Variants in CSMD3 observed in about 807,000 individuals in gnomAD.
CSMD3 encodes CUB and Sushi multiple domains 3.
Under a neutral mutation model 435.2 loss-of-function variants are expected in CSMD3, and 177 were observed. The observed-to-expected ratio is 0.41, with a 90% confidence interval of 0.36 to 0.46. The LOEUF (loss-of-function observed/expected upper bound fraction) is 0.46, where lower values mean the gene tolerates loss of function less well. Among genes scored for constraint, CSMD3 ranks in the 20% least tolerant of loss-of-function variants. The pLI, the probability that CSMD3 is intolerant of heterozygous loss-of-function variation, is 0.34. For missense variants in CSMD3, 4,265 were observed against 4,504.6 expected, an observed-to-expected ratio of 0.95 and a Z score of 1.52; for synonymous variants, 1,656 against 1,520.5, an observed-to-expected ratio of 1.09 and a Z score of -2.07.
chr8:113,144,136 C>G (rs1045572233), intron 4 of CSMD3, among the ~76,000 whole-genome samples: 4 of 149,854 alleles, frequency 2.7e-5, no homozygotes, highest in African/African-American at 9.8e-5. Flanking sequence ...ATTTATAAAC[C>G]TGCCAATATT....
chr8:112,506,654 AT>A (rs761897268), intron 29 of CSMD3, 36 bp downstream of exon 29: 17 of 1,605,454 alleles, frequency 1.1e-5, no homozygotes, highest in Non-Finnish European at 1.3e-5. Context: ...CTAACAATAT[AT>A]TTTTTTAACG....
chr8:112,767,516 A>G (rs1199727851), intron 13 of CSMD3, among the ~76,000 whole-genome samples: 2 of 151,738 alleles, frequency 1.3e-5, no homozygotes, highest in Non-Finnish European at 2.9e-5. Context: ...TAACCTCTCT[A>G]TGCCTCAGTT....
intron 10 of CSMD3, among the ~76,000 whole-genome samples, chr8:112,863,413 A>T (rs1336718126): frequency 6.6e-6 from 1 of 151,874 alleles, no homozygotes; most frequent in Non-Finnish European, 1.5e-5. Context: ...CATGAACTGA[A>T]AATACCATTT....
At chr8:112,907,729 A>G (rs766369179) in intron 10 of CSMD3, among the ~76,000 whole-genome samples, 1 of 151,446 alleles carries the variant, frequency 6.6e-6, no homozygotes, top group Non-Finnish European at 1.5e-5. Context: ...AGTTATAAAA[A>G]AAGTTCAGAG....
chr8:112,998,631 C>A (rs775655556), intron 6 of CSMD3, among the ~76,000 whole-genome samples: 2 of 151,954 alleles, frequency 1.3e-5, no homozygotes, highest in Non-Finnish European at 2.9e-5. Flanking sequence ...TCCTAAATTT[C>A]ATCACTGCAA....
intron 37 of CSMD3, 60 bp from the exon 38 acceptor site, chr8:112,380,516 A>G: frequency 1.1e-6 from 1 of 893,048 alleles, no homozygotes; most frequent in Admixed American, 1.7e-5. Context: ...TAATAAAATT[A>G]AGTAAGTTTA....
At chr8:113,027,646 A>G (rs1376098185) in intron 5 of CSMD3, among the ~76,000 whole-genome samples, 1 of 152,134 alleles carries the variant, frequency 6.6e-6, no homozygotes, top group Admixed American at 6.5e-5. Flanking sequence ...CTTCAGAAGC[A>G]AGATATTACA....
At chr8:113,102,110 G>A (rs2090347370) in intron 4 of CSMD3, among the ~76,000 whole-genome samples, 2 of 152,040 alleles carry the variant, frequency 1.3e-5, no homozygotes. Context: ...TTCAAAATGA[G>A]TTGGTACATA....
intron 13 of CSMD3, among the ~76,000 whole-genome samples, chr8:112,798,798 G>A (rs749086921): frequency 3.3e-5 from 5 of 151,760 alleles, no homozygotes; most frequent in East Asian, 3.9e-4. Flanking sequence ...GGTAACCTTC[G>A]TAAGATGGAG....
At chr8:112,405,248 CAT>C (rs1238563530) in intron 35 of CSMD3, among the ~76,000 whole-genome samples, 1 of 56,992 alleles carries the variant, frequency 1.8e-5, no homozygotes, top group Non-Finnish European at 3.1e-5. Context: ...TATATATATA[CAT>C]ATATATATAC....
At chr8:112,449,796 C>T (rs1303261637) in intron 32 of CSMD3, among the ~76,000 whole-genome samples, 1 of 152,136 alleles carries the variant, frequency 6.6e-6, no homozygotes, top group South Asian at 2.1e-4. Context: ...GATCTCGGCT[C>T]ACTGCATCCT....
chr8:113,309,625 T>C (rs2093851876), intron 2 of CSMD3: 1 of 152,230 alleles, frequency 6.6e-6, no homozygotes, highest in African/African-American at 2.4e-5. Flanking sequence ...GAAAGTGAAG[T>C]TTATGTTGCA....
intron 1 of CSMD3, among the ~76,000 whole-genome samples, chr8:113,335,136 C>T (rs2094062064): frequency 6.6e-6 from 1 of 152,090 alleles, no homozygotes; most frequent in Non-Finnish European, 1.5e-5. Context: ...TCCACCCTGG[C>T]TCCTGCTCCT....
chr8:112,531,598 C>T (rs564919881), intron 27 of CSMD3, among the ~76,000 whole-genome samples: 1 of 152,266 alleles, frequency 6.6e-6, no homozygotes, highest in South Asian at 2.1e-4. Context: ...AAAAGTCCAT[C>T]AGAAATAAGT....
At chr8:112,780,183 C>T (rs1477312697) in intron 13 of CSMD3, among the ~76,000 whole-genome samples, 1 of 151,964 alleles carries the variant, frequency 6.6e-6, no homozygotes, top group Non-Finnish European at 1.5e-5. Flanking sequence ...TACATATACC[C>T]TGGCGCCATG....
intron 3 of CSMD3, among the ~76,000 whole-genome samples, chr8:113,184,361 A>G (rs150199431): frequency 1.1e-3 from 169 of 151,728 alleles, no homozygotes; most frequent in African/African-American, 3.9e-3. Flanking sequence ...TAACCTTTAG[A>G]CCCTCTCCCC....
intron 5 of CSMD3, among the ~76,000 whole-genome samples, chr8:113,057,686 T>C (rs563274511): frequency 6.6e-6 from 1 of 151,998 alleles, no homozygotes; most frequent in Admixed American, 6.6e-5. Flanking sequence ...AATATTTACA[T>C]ACGACAAGAA....
At chr8:113,413,530 A>T (rs991540077) in intron 1 of CSMD3, among the ~76,000 whole-genome samples, 13 of 152,312 alleles carry the variant, frequency 8.5e-5, no homozygotes, top group African/African-American at 3.1e-4. Context: ...CTGGGATTTT[A>T]TTACAAACAG....
At chr8:112,430,665 C>A (rs186164733) in intron 32 of CSMD3, among the ~76,000 whole-genome samples, 2 of 152,044 alleles carry the variant, frequency 1.3e-5, no homozygotes, top group East Asian at 3.9e-4. Context: ...GTAAACTGGT[C>A]ACATAAATCA....
Sources: gnomAD v4.1 joint callset for allele counts (sites outside exome capture counted in the v4.1 genomes callset) on GRCh38, gnomAD v4.1.1 for gene constraint, MANE v1.5 for transcripts, NCBI Gene and HGNC (gene_info 2026-07-23, HGNC 2026-07-21) for gene names.